CREBRF: variants seen among roughly 807,000 people sequenced by gnomAD.
CREBRF encodes CREB3 regulatory factor, also known as UPF0474 protein C5orf41.
In CREBRF, 5 loss-of-function variants were observed where a neutral mutation model predicts 66.1. The observed-to-expected ratio is 0.08, with a 90% CI of 0.04 to 0.16. The LOEUF is 0.16. Ranked by LOEUF, CREBRF falls within the 10% of genes least tolerant of loss-of-function variation. The pLI is 1.00. For missense variants in CREBRF, 531 were observed against 744.9 expected (o/e 0.71, Z 3.34); for synonymous variants, 229 against 264.4 (o/e 0.87, Z 1.30).
chr5:173,058,108 C>G (rs1487589856), intron 1 of CREBRF, among the ~76,000 whole-genome samples: 1 of 151,462 alleles, frequency 6.6e-6, no homozygotes, highest in Non-Finnish European at 1.5e-5. Context: ...CTAGTTGTCA[C>G]TTGATTGTAC....
chr5:173,128,260 C>T (rs932251967), intron 8 of CREBRF, among the ~76,000 whole-genome samples: 2 of 152,024 alleles, frequency 1.3e-5, no homozygotes, highest in Non-Finnish European at 2.9e-5. Context: ...AAAATTTCCC[C>T]CAGCAGGTAG....
chr5:173,101,978 C>A (rs961357653), intron 4 of CREBRF, among the ~76,000 whole-genome samples: 1 of 152,168 alleles, frequency 6.6e-6, no homozygotes, highest in Admixed American at 6.5e-5. Context: ...TATTCTTTTT[C>A]ATTCCTTTTT....
Position 173,086,745 on chromosome 5 carries a change from T to C in CREBRF, c.135+119T>C, listed in dbSNP as rs867113102. On this transcript the variant is annotated intron_variant, in intron 3 of 8. Transcript: ENST00000296953. ...GTGCTTGGGCCAAGTTTGATTCTTA[T>C]GATTATACCTAGGATAATTTTATTT... 8.7e-6 allele frequency: 6 copies of C among 686,110 alleles called. No individual in the cohort carries two copies. The South Asian group carries it at 1.1e-4, about 12-fold the overall frequency. The allele number at this position is 686,110 out of a possible 1,614,324, so 42.5% of individuals were successfully genotyped here.
At chr5:173,067,324 A>G (rs1757463538) in intron 1 of CREBRF, among the ~76,000 whole-genome samples, 1 of 152,226 alleles carries the variant, frequency 6.6e-6, no homozygotes. Flanking sequence ...TCAAGACTGA[A>G]CACCCAACAT....
intron 3 of CREBRF, among the ~76,000 whole-genome samples, chr5:173,087,566 C>A (rs992335415): frequency 2.0e-5 from 3 of 151,636 alleles, no homozygotes; most frequent in African/African-American, 4.8e-5. Flanking sequence ...CATGGTAGTG[C>A]GCACCTGTAG....
chr5:173,109,902 A>G (rs1282904506), intron 5 of CREBRF: 1 of 153,880 alleles, frequency 6.5e-6, no homozygotes, highest in Non-Finnish European at 1.4e-5. Flanking sequence ...CAAGTAGCAT[A>G]TGAATACTAG....
At chr5:173,111,118 TAAA>T (rs1437731105) in intron 6 of CREBRF, among the ~76,000 whole-genome samples, 1 of 152,204 alleles carries the variant, frequency 6.6e-6, no homozygotes, top group Non-Finnish European at 1.5e-5. Flanking sequence ...TTCATCATCT[TAAA>T]AAGTTTCCTT....
At chr5:173,064,110 T>G (rs899376425) in intron 1 of CREBRF, among the ~76,000 whole-genome samples, 2 of 152,180 alleles carry the variant, frequency 1.3e-5, no homozygotes, top group Non-Finnish European at 2.9e-5. Flanking sequence ...GTTGTACATA[T>G]GTTTTCTTCA....
intron 8 of CREBRF, among the ~76,000 whole-genome samples, chr5:173,129,283 ATTT>A (rs1447219061): frequency 6.8e-6 from 1 of 147,344 alleles, no homozygotes; most frequent in African/African-American, 2.5e-5. Context: ...CGCCCGGCTA[ATTT>A]TTTGTATTTT....
chr5:173,101,184 C>A (rs140810997), intron 4 of CREBRF, among the ~76,000 whole-genome samples: 2 of 152,010 alleles, frequency 1.3e-5, no homozygotes, highest in Non-Finnish European at 2.9e-5. Context: ...ACCTCAGCCT[C>A]CCAAGTAGCT....
intron 7 of CREBRF, among the ~76,000 whole-genome samples, chr5:173,114,434 A>G (rs1365777611): frequency 6.6e-6 from 1 of 152,174 alleles, no homozygotes; most frequent in African/African-American, 2.4e-5. Context: ...ATATTTTGAG[A>G]CTTGAGAACA....
At chr5:173,106,827 G>A (rs1758762130) in intron 4 of CREBRF, among the ~76,000 whole-genome samples, 1 of 151,996 alleles carries the variant, frequency 6.6e-6, no homozygotes, top group African/African-American at 2.4e-5. Flanking sequence ...TTGGCTCACT[G>A]CAACCTCTGC....
rs544580215 is a variant in CREBRF at position 173,122,361 on chromosome 5, A to T, written c.1682-719A>T. ...TGCAGTCCACCTGCCTTGGTCTCCC[A>T]AAGTGTTGGGATTATAGGCGTGAGC... On this transcript the variant is annotated intron_variant, in intron 7 of 8. Coordinates refer to ENST00000296953, the MANE Select transcript of CREBRF (RefSeq NM_153607.3). 5.9e-5 allele frequency among the ~76,000 whole-genome samples: 9 copies of T among 152,256 alleles called. No individual in the cohort carries two copies. The South Asian group carries it at 1.7e-3, about 28-fold the overall frequency.
At chr5:173,125,262 G>C (rs750121642) in intron 8 of CREBRF, among the ~76,000 whole-genome samples, 13 of 152,028 alleles carry the variant, frequency 8.6e-5, no homozygotes, top group Non-Finnish European at 1.5e-4. Flanking sequence ...ATTATTTGCT[G>C]TCATTACTTG....
chr5:173,123,934 TG>T (rs1212759145), intron 8 of CREBRF: 1 of 152,250 alleles, frequency 6.6e-6, no homozygotes, highest in Non-Finnish European at 1.5e-5. Flanking sequence ...GGATTAATTC[TG>T]TGCTTGACTT....
intron 4 of CREBRF, among the ~76,000 whole-genome samples, chr5:173,095,589 T>C (rs1758458537): frequency 6.6e-6 from 1 of 152,184 alleles, no homozygotes; most frequent in African/African-American, 2.4e-5. Flanking sequence ...TCAGAATCTT[T>C]TGTGATTTCA....
rs187038349 is a variant in CREBRF at position 173,096,850 on chromosome 5, C to A, written c.1222+5449C>A. ...ATGTTGTCACATGTTCTTTCCATATCTATTGAGACGATTATATTGTTTTTA... is the reference window on the plus strand; with the variant it reads ...ATGTTGTCACATGTTCTTTCCATATATATTGAGACGATTATATTGTTTTTA... On this transcript the variant is annotated intron_variant, in intron 4 of 8. Transcript: ENST00000296953. 4.5e-4 allele frequency among the ~76,000 whole-genome samples: 68 copies of A among 152,200 alleles called. 1 individual carries two copies. Among genetic ancestry groups the A allele is most frequent in the Non-Finnish European group, 4.4e-5 (3 of 68,026 alleles).
At chr5:173,081,693 C>T (rs1420591352) in intron 2 of CREBRF, among the ~76,000 whole-genome samples, 4 of 152,156 alleles carry the variant, frequency 2.6e-5, no homozygotes, top group Admixed American at 2.6e-4. Context: ...GAGGCCGAGA[C>T]AGGCGGATCA....
intron 7 of CREBRF, among the ~76,000 whole-genome samples, chr5:173,122,569 T>A (rs10475587): frequency 2.3e-4 from 31 of 132,086 alleles, no homozygotes; most frequent in African/African-American, 3.1e-4. Context: ...TATTATTTCT[T>A]TTATTATTAT....
Sources: gnomAD v4.1 joint callset for allele counts (sites outside exome capture counted in the v4.1 genomes callset) on GRCh38, gnomAD v4.1.1 for gene constraint, MANE v1.5 for transcripts, NCBI Gene and HGNC (gene_info 2026-07-23, HGNC 2026-07-21) for gene names.